Variants in PTPRM observed in about 807,000 individuals in gnomAD.
The protein encoded by PTPRM is protein tyrosine phosphatase receptor type M.
A neutral mutation model predicts 186.7 loss-of-function variants in PTPRM; 47 were observed. That is an observed-to-expected ratio of 0.25 (90% CI 0.20 to 0.32). PTPRM has a LOEUF of 0.32. Among genes scored for constraint, PTPRM ranks in the 10% least tolerant of loss-of-function variants. The pLI is 1.00. For missense variants in PTPRM, 1,494 were observed against 1,865.0 expected, an observed-to-expected ratio of 0.80 and a Z score of 3.66; for synonymous variants, 668 against 674.9, an observed-to-expected ratio of 0.99 and a Z score of 0.16.
At chr18:8,204,703 C>A (rs1171536414) in intron 14 of PTPRM, among the ~76,000 whole-genome samples, 1 of 151,634 alleles carries the variant, frequency 6.6e-6, no homozygotes, top group East Asian at 1.9e-4. Context: ...GGACTTGATA[C>A]AGAAAATGAC....
chr18:8,170,989 T>A (rs182345349), intron 14 of PTPRM, among the ~76,000 whole-genome samples: 6 of 152,318 alleles, frequency 3.9e-5, no homozygotes, highest in South Asian at 2.1e-4. Context: ...TTGAGCACAG[T>A]CTTCCGATGG....
At position 7,758,045 on chromosome 18, in the gene PTPRM, A is replaced by G. The variant is rs145812467; in HGVS notation, c.74-16104A>G. Among the ~76,000 whole-genome samples, 285 of 152,296 alleles carry G rather than the reference A, an allele frequency of 1.9e-3. 1 individual carries two copies. Among genetic ancestry groups the G allele is most frequent in the African/African-American group, 6.1e-3 (252 of 41,570 alleles). ...GACACATCCTAAAATTCAGAGCCCC[A>G]ACCTCACTCCCAACAATTCTGATTC... On this transcript the variant is annotated intron_variant, in intron 1 of 32. Coordinates refer to ENST00000580170, the MANE Select transcript of PTPRM (RefSeq NM_001105244.2).
intron 14 of PTPRM, among the ~76,000 whole-genome samples, chr18:8,234,322 T>C (rs2094319701): frequency 1.3e-5 from 2 of 152,216 alleles, no homozygotes; most frequent in Admixed American, 1.3e-4. Flanking sequence ...TATGCCTAAT[T>C]ATTTCACTTT....
At chr18:7,618,470 A>C (rs1020761610) in intron 1 of PTPRM, among the ~76,000 whole-genome samples, 1 of 152,224 alleles carries the variant, frequency 6.6e-6, no homozygotes, top group Admixed American at 6.5e-5. Context: ...AATTAGTTTT[A>C]GTAGGAGTAG....
At chr18:7,705,329 G>A (rs201438721) in intron 1 of PTPRM, among the ~76,000 whole-genome samples, 46 of 129,962 alleles carry the variant, frequency 3.5e-4, no homozygotes, top group Admixed American at 1.4e-3. Context: ...CTATCTATCT[G>A]TCTATCTAGC....
chr18:8,369,834 T>C (rs1236481981), intron 23 of PTPRM, among the ~76,000 whole-genome samples: 1 of 152,128 alleles, frequency 6.6e-6, no homozygotes, highest in Non-Finnish European at 1.5e-5. Context: ...CTTGTAGTCC[T>C]AGTTACTTGG....
intron 1 of PTPRM, among the ~76,000 whole-genome samples, chr18:7,597,014 C>T (rs964875334): frequency 1.2e-4 from 18 of 152,088 alleles, no homozygotes; most frequent in Non-Finnish European, 2.2e-4. Context: ...CTACCATACC[C>T]GGAAAATGTT....
At chr18:7,858,080 G>T (rs180796814) in intron 2 of PTPRM, among the ~76,000 whole-genome samples, 2 of 152,116 alleles carry the variant, frequency 1.3e-5, no homozygotes, top group East Asian at 1.9e-4. Flanking sequence ...TTAAGCTTAG[G>T]TTCATCATAG....
intron 7 of PTPRM, among the ~76,000 whole-genome samples, chr18:8,032,914 A>AACAG (rs1451873617): frequency 7.9e-5 from 12 of 152,188 alleles, no homozygotes; most frequent in Non-Finnish European, 1.6e-4. Context: ...GTTTAACTGA[A>AACAG]ACAGATGAAG....
At chr18:7,953,320 G>T (rs1056789429) in intron 6 of PTPRM, among the ~76,000 whole-genome samples, 1 of 152,000 alleles carries the variant, frequency 6.6e-6, no homozygotes, top group Non-Finnish European at 1.5e-5. Flanking sequence ...TTTGCAACTC[G>T]AAAGTAATTA....
intron 27 of PTPRM, 112 bp from the exon 28 acceptor site, chr18:8,379,045 GGGAGGGGGAA>G: frequency 1.4e-6 from 1 of 726,320 alleles, no homozygotes; most frequent in Non-Finnish European, 2.1e-6. Context: ...GGGTTGGGGA[GGGAGGGGGAA>G]GGGACCGTCT....
intron 32 of PTPRM, among the ~76,000 whole-genome samples, chr18:8,397,511 C>A (rs1192416746): frequency 6.6e-6 from 1 of 152,226 alleles, no homozygotes; most frequent in East Asian, 1.9e-4. Context: ...GTTTCTAATA[C>A]AAGACTAGAT....
intron 7 of PTPRM, among the ~76,000 whole-genome samples, chr18:7,961,379 G>T (rs1363267911): frequency 6.6e-6 from 1 of 152,124 alleles, no homozygotes; most frequent in Admixed American, 6.5e-5. Flanking sequence ...TGCAGTATTT[G>T]TCTTTCTGTG....
Position 8,055,535 on chromosome 18 carries a change from T to A in PTPRM, c.1133-14151T>A, listed in dbSNP as rs141703147. ...AAAATTGGTCATTTTCAGTGACGTA[T>A]TACATGTTCATTTTTAGAATTACAT... is the stretch of plus-strand genomic sequence containing the variant. On this transcript the variant is annotated intron_variant, in intron 7 of 32. Coordinates refer to ENST00000580170, the MANE Select transcript of PTPRM (RefSeq NM_001105244.2). 7.7e-4 allele frequency among the ~76,000 whole-genome samples: 117 copies of A among 152,342 alleles called. No individual in the cohort carries two copies. In the East Asian group the frequency reaches 0.017, roughly 22 times the overall value.
chr18:7,908,847 A>C (rs2050125471), intron 4 of PTPRM, among the ~76,000 whole-genome samples: 1 of 152,230 alleles, frequency 6.6e-6, no homozygotes, highest in Non-Finnish European at 1.5e-5. Flanking sequence ...CCTCAGAGTA[A>C]TAGCCTCCAG....
intron 14 of PTPRM, among the ~76,000 whole-genome samples, chr18:8,150,497 A>C (rs1426225219): frequency 6.6e-6 from 1 of 151,904 alleles, no homozygotes; most frequent in African/African-American, 2.4e-5. Flanking sequence ...CAGCTCTATG[A>C]GGTCATTTAT....
chr18:7,664,457 C>T (rs1399903604), intron 1 of PTPRM, among the ~76,000 whole-genome samples: 1 of 152,224 alleles, frequency 6.6e-6, no homozygotes, highest in African/African-American at 2.4e-5. Context: ...GCGCTGTTCT[C>T]ATATCCACGG....
At chr18:7,942,671 T>G (rs1176959800) in intron 5 of PTPRM, among the ~76,000 whole-genome samples, 1 of 152,110 alleles carries the variant, frequency 6.6e-6, no homozygotes, top group Non-Finnish European at 1.5e-5. Context: ...ATGGTCTGCA[T>G]GATCTTTCTG....
chr18:8,313,020 A>T (rs1451707570), intron 20 of PTPRM, among the ~76,000 whole-genome samples: 1 of 152,166 alleles, frequency 6.6e-6, no homozygotes, highest in Admixed American at 6.5e-5. Context: ...ACCAATATGA[A>T]ATTTTGACTT....
Sources: gnomAD v4.1 joint callset for allele counts (sites outside exome capture counted in the v4.1 genomes callset) on GRCh38, gnomAD v4.1.1 for gene constraint, MANE v1.5 for transcripts, NCBI Gene and HGNC (gene_info 2026-07-23, HGNC 2026-07-21) for gene names.